MED28: variants seen among roughly 807,000 people sequenced by gnomAD.
MED28 encodes mediator complex subunit 28, also known as mediator of RNA polymerase II transcription subunit 28.
A neutral mutation model predicts 21.3 loss-of-function variants in MED28; 26 were observed. That is an observed-to-expected ratio of 1.22 (90% CI 0.89 to 1.69). The LOEUF is 1.69. MED28 is among the 40% of genes most tolerant of loss of function. The probability of loss-of-function intolerance (pLI) is 0.00; values close to 1 mark genes in which losing one functional copy is unlikely to be tolerated. For synonymous variants in MED28, 110 were observed against 87.6 expected (o/e 1.26, Z -1.43); for missense variants, 257 against 215.4 (o/e 1.19, Z -1.21).
rs1714735073 is a variant in MED28 at position 17,624,893 on chromosome 4, AT to A, written c.*1098del. On this transcript the variant is annotated 3_prime_UTR_variant, in exon 4 of 4. Coordinates refer to ENST00000237380, the MANE Select transcript of MED28 (RefSeq NM_025205.5). ...GTTGAGTTGCTGTTAAGAAATGGAG[AT>A]TTCTGGCTCTCATTGGGTAAGGTTT... 6.6e-6 allele frequency: 1 copy of A among 151,884 alleles called. No individual in the cohort carries two copies. The highest frequency in any genetic ancestry group is 1.5e-5 in the Non-Finnish European group (1 of 67,996). The allele number at this position is 151,884 out of a possible 1,614,324, so 9.4% of individuals were successfully genotyped here.
intron 1 of MED28, among the ~76,000 whole-genome samples, chr4:17,616,950 G>A (rs144594437): frequency 4.8e-4 from 73 of 152,300 alleles, no homozygotes; most frequent in Middle Eastern, 3.4e-3. Context: ...TATCCATACA[G>A]AGAATACAGA....
At position 17,628,262 on chromosome 4, in the gene MED28, G is replaced by C. The variant is rs1047261084; in HGVS notation, c.*4464G>C. On this transcript the variant is annotated 3_prime_UTR_variant, in exon 4 of 4. Transcript: ENST00000237380. ...AAAACGAGTGACAGCTGCCGTGTGT[G>C]TGTGTGTGTGTGTGTGTGTGTGTGT... 7.4e-6 allele frequency: 1 copy of C among 135,100 alleles called. No individual in the cohort carries two copies. The highest frequency in any genetic ancestry group is 3.4e-5 in the African/African-American group (1 of 29,026). The allele number at this position is 135,100 out of a possible 1,614,324, so 8.4% of individuals were successfully genotyped here.
chr4:17,615,753 T>C (rs982662250), intron 1 of MED28, among the ~76,000 whole-genome samples: 1 of 152,150 alleles, frequency 6.6e-6, no homozygotes, highest in Non-Finnish European at 1.5e-5. Flanking sequence ...GAGGTTGCAG[T>C]GAGCGGAGAC....
In MED28 at chr4:17,633,797, G is replaced by C; in HGVS notation, c.*9999G>C. The C allele has an allele frequency of 1.3e-6, 2 of 1,551,614 alleles. No homozygotes were observed. Among genetic ancestry groups the C allele is most frequent in the Non-Finnish European group, 1.7e-6 (2 of 1,146,968 alleles). ...AGTTATTGGAGGGGCATTAATCCTG[G>C]AACTCAGATCGCCACTCAGAAAGTT... On this transcript the variant is annotated 3_prime_UTR_variant, in exon 4 of 4. Transcript: ENST00000237380.
chr4:17,615,086 C>G (rs532854618), intron 1 of MED28, among the ~76,000 whole-genome samples: 1 of 152,346 alleles, frequency 6.6e-6, no homozygotes, highest in Non-Finnish European at 1.5e-5. Flanking sequence ...CCAGCCGGTC[C>G]TTAGTCTCAT....
In MED28 at chr4:17,633,756, C is replaced by G; in HGVS notation, c.*9958C>G. 1 of 1,551,118 alleles carries G rather than the reference C, an allele frequency of 6.4e-7. No individual in the cohort carries two copies. Among genetic ancestry groups the G allele is most frequent in the Non-Finnish European group, 8.7e-7 (1 of 1,146,768 alleles). On this transcript the variant is annotated 3_prime_UTR_variant, in exon 4 of 4. Coordinates refer to ENST00000237380, the MANE Select transcript of MED28 (RefSeq NM_025205.5). ...GTCCGGCCACAGCTGGGGCTTGGGTCCAAGCTGGGTGATGTAGTTATTGGA... is the reference window on the plus strand; with the variant it reads ...GTCCGGCCACAGCTGGGGCTTGGGTGCAAGCTGGGTGATGTAGTTATTGGA...
chr4:17,614,779 G>C lies in MED28; in HGVS notation c.125G>C (p.Ser42Thr). The C allele has an allele frequency of 1.9e-6, 3 of 1,612,908 alleles. No individual in the cohort carries two copies. Among genetic ancestry groups the C allele is most frequent in the Non-Finnish European group, 2.5e-6 (3 of 1,179,536 alleles). Residue 42 changes from serine to threonine, a missense_variant, in exon 1 of 4, where the codon AGT becomes ACT. Transcript: ENST00000237380. ...CCAGGCGCTCCTAGACCTTCCAGCA[G>C]TACTTTGGTGGACGAGTTGGAGTCA... The part of the protein sequence containing the change: ...AAPGAPRPSS[S>T]TLVDELESSF...
At position 17,633,879 on chromosome 4, in the gene MED28, C is replaced by T. The variant is rs1560162310; in HGVS notation, c.*10081C>T. On this transcript the variant is annotated 3_prime_UTR_variant, in exon 4 of 4. Coordinates refer to ENST00000237380, the MANE Select transcript of MED28 (RefSeq NM_025205.5). The stretch of plus-strand genomic sequence containing the variant: ...ACCACGCGGCTGGGCACGTCCTCCA[C>T]CTTCTTTTTCTGTTTGTATTAATGG... The T allele has an allele frequency of 1.9e-6, 3 of 1,547,768 alleles. No individual in the cohort carries two copies. Among genetic ancestry groups the T allele is most frequent in the South Asian group, 1.2e-5 (1 of 83,606 alleles).
At chr4:17,622,588 G>C (rs1714668264) in intron 3 of MED28, among the ~76,000 whole-genome samples, 1 of 152,162 alleles carries the variant, frequency 6.6e-6, no homozygotes, top group South Asian at 2.1e-4. Flanking sequence ...CTTGTAAACA[G>C]TTGTTAACAA....
chr4:17,622,011 GC>G (rs1714650930), intron 3 of MED28, among the ~76,000 whole-genome samples: 1 of 152,292 alleles, frequency 6.6e-6, no homozygotes, highest in South Asian at 2.1e-4. Context: ...TAACATATAG[GC>G]TTGTTTTGGA....
At chr4:17,618,074 C>T (rs1357350947) in intron 1 of MED28, among the ~76,000 whole-genome samples, 4 of 141,828 alleles carry the variant, frequency 2.8e-5, no homozygotes, top group African/African-American at 5.2e-5. Flanking sequence ...TGCAATGGCA[C>T]GATGTTGGGT....
In MED28 at chr4:17,631,713, T is replaced by C. The variant is rs1714949961; in HGVS notation, c.*7915T>C. The C allele has an allele frequency of 6.6e-6, 1 of 152,230 alleles. No individual in the cohort carries two copies. The highest frequency in any genetic ancestry group is 1.5e-5 in the Non-Finnish European group (1 of 68,036). 9.4% of individuals were successfully genotyped at this position (152,230 alleles called of 1,614,324 possible). A position where few individuals can be genotyped will look rare whatever the true frequency, so the allele number is the denominator to read the frequency against. ...GTCTTAGACCAAGGAAGTGAAAGTA[T>C]TCAGTCCAAGCATGCTACCATCCAT... On this transcript the variant is annotated 3_prime_UTR_variant, in exon 4 of 4. Coordinates refer to ENST00000237380, the MANE Select transcript of MED28 (RefSeq NM_025205.5).
rs1560159352 is a variant in MED28, at chr4:17,625,749, C to G, written c.*1951C>G. 2.3e-6 allele frequency: 1 copy of G among 427,880 alleles called. No homozygotes were observed. The highest frequency in any genetic ancestry group is 4.6e-6 in the Non-Finnish European group (1 of 217,162). The allele number at this position is 427,880 out of a possible 1,614,324, so 26.5% of individuals were successfully genotyped here. Reference sequence around the variant, plus strand: ...TCACAAGCCATCTTCTCAAGTTCCCCTAGAAACCTGTGGAATGCCCTCTGC... The same window carrying G: ...TCACAAGCCATCTTCTCAAGTTCCCGTAGAAACCTGTGGAATGCCCTCTGC... On this transcript the variant is annotated 3_prime_UTR_variant, in exon 4 of 4. Coordinates refer to ENST00000237380, the MANE Select transcript of MED28 (RefSeq NM_025205.5).
intron 3 of MED28, among the ~76,000 whole-genome samples, chr4:17,622,229 G>T (rs1714656679): frequency 6.6e-6 from 1 of 152,176 alleles, no homozygotes; most frequent in African/African-American, 2.4e-5. Context: ...GTTGGGCCAG[G>T]ACCTGCCCCA....
In MED28 at chr4:17,632,481, T is replaced by A. The variant is rs1714982362; in HGVS notation, c.*8683T>A. On this transcript the variant is annotated 3_prime_UTR_variant, in exon 4 of 4. Transcript: ENST00000237380. Reference sequence around the variant, plus strand: ...TAGTTCATTCCTTCAATCGGATGATTTAAAATAAATGTTTTTCAAGTATCC... The same window carrying A: ...TAGTTCATTCCTTCAATCGGATGATATAAAATAAATGTTTTTCAAGTATCC... The A allele has an allele frequency of 7.2e-7, 1 of 1,394,206 alleles. No homozygotes were observed. The highest frequency in any genetic ancestry group is 1.3e-5 in the South Asian group (1 of 78,598). 86.4% of individuals were successfully genotyped at this position (1,394,206 alleles called of 1,614,324 possible). A position where few individuals can be genotyped will look rare whatever the true frequency, so the allele number is the denominator to read the frequency against.
rs61736263 is a variant in MED28 at position 17,623,710 on chromosome 4, A to C, written c.449A>C (p.His150Pro). ...QQVLEDINVQ[H>P]KKPADIPQGS... is the part of the protein sequence containing the mutation. Reference sequence around the variant, plus strand: ...GTGCTGGAGGACATCAACGTGCAGCACAAAAAGCCCGCCGACATCCCTCAG... The same window carrying C: ...GTGCTGGAGGACATCAACGTGCAGCCCAAAAAGCCCGCCGACATCCCTCAG... The change falls in exon 4 of 4, where the codon CAC becomes CCC. Residue 150 changes from histidine (H) to proline (P), a missense_variant. His to Pro is a moderately conservative substitution (Grantham distance 77). Coordinates refer to ENST00000237380, the MANE Select transcript of MED28 (RefSeq NM_025205.5). 5.3e-5 allele frequency: 85 copies of C among 1,614,104 alleles called. No homozygotes were observed. The highest frequency in any genetic ancestry group is 4.9e-4 in the Middle Eastern group (3 of 6,084).
chr4:17,632,508 C>T lies in MED28; in HGVS notation c.*8710C>T. 6.7e-7 allele frequency: 1 copy of T among 1,500,880 alleles called. No homozygotes were observed. Among genetic ancestry groups the T allele is most frequent in the East Asian group, 2.5e-5 (1 of 40,648 alleles). 93.0% of individuals were successfully genotyped at this position (1,500,880 alleles called of 1,614,324 possible). On this transcript the variant is annotated 3_prime_UTR_variant, in exon 4 of 4. Transcript: ENST00000237380. ...AAAATAAATGTTTTTCAAGTATCCT[C>T]TGTGATGTATCCCAAAGGTTAGCTT...
Position 17,623,823 on chromosome 4 carries a change from A to G in MED28, c.*25A>G, listed in dbSNP as rs763502929. 10 of 1,602,060 alleles carry G rather than the reference A, an allele frequency of 6.2e-6. No homozygotes were observed. The highest frequency in any genetic ancestry group is 5.6e-5 in the South Asian group (5 of 89,920). On this transcript the variant is annotated 3_prime_UTR_variant, in exon 4 of 4. Transcript: ENST00000237380. ...AGCAAAGGGCAGAGGCAGTTGGCCTATGAGTGGGCTGATGCGTGAGGTTGG... is the reference window on the plus strand; with the variant it reads ...AGCAAAGGGCAGAGGCAGTTGGCCTGTGAGTGGGCTGATGCGTGAGGTTGG...
chr4:17,633,974 A>G lies in MED28; in HGVS notation c.*10176A>G. ...TGTAAAAGCAAATAATGCTCACCCA[A>G]TCAAAATTGTATCGGAGAAGAAGCA... On this transcript the variant is annotated 3_prime_UTR_variant, in exon 4 of 4. Transcript: ENST00000237380. 1.8e-6 allele frequency: 2 copies of G among 1,085,264 alleles called. No homozygotes were observed. Among genetic ancestry groups the G allele is most frequent in the Non-Finnish European group, 2.5e-6 (2 of 815,686 alleles). 67.2% of individuals were successfully genotyped at this position (1,085,264 alleles called of 1,614,324 possible).
Sources: gnomAD v4.1 joint callset for allele counts (sites outside exome capture counted in the v4.1 genomes callset) on GRCh38, gnomAD v4.1.1 for gene constraint, MANE v1.5 for transcripts, NCBI Gene and HGNC (gene_info 2026-07-23, HGNC 2026-07-21) for gene names.